The following HEATR5B variants were observed in gnomAD, a reference collection of about 807,000 sequenced individuals.
HEATR5B encodes HEAT repeat-containing protein 5B.
Under a neutral mutation model 224.1 loss-of-function variants are expected in HEATR5B, and 156 were observed. That is an observed-to-expected ratio of 0.70 (90% CI 0.61 to 0.80). The LOEUF is 0.80. Among genes scored for constraint, HEATR5B ranks in the 30% least tolerant of loss-of-function variants. The pLI is 0.00. For synonymous variants in HEATR5B, 1,027 were observed against 893.0 expected, an observed-to-expected ratio of 1.15 and a Z score of -2.68; for missense variants, 2,323 against 2,535.5, an observed-to-expected ratio of 0.92 and a Z score of 1.80.
intron 35 of HEATR5B, 89 bp from the exon 36 acceptor site, chr2:36,981,883 A>C: frequency 1.1e-6 from 1 of 895,340 alleles, no homozygotes; most frequent in South Asian, 1.8e-5. Flanking sequence ...AAGACTGAAC[A>C]TAATAAAATA....
chr2:37,011,811 A>T (rs1370374856), intron 27 of HEATR5B, among the ~76,000 whole-genome samples: 2 of 152,160 alleles, frequency 1.3e-5, no homozygotes, highest in Non-Finnish European at 2.9e-5. Context: ...TCACATTATA[A>T]ATAGTGTTGC....
At position 37,002,403 on chromosome 2, in the gene HEATR5B, G is replaced by A. The variant is rs1223267002; in HGVS notation, c.5220C>T (p.His1740=). 6 of 1,614,116 alleles carry A rather than the reference G, an allele frequency of 3.7e-6. No homozygotes were observed. Among genetic ancestry groups the A allele is most frequent in the African/African-American group, 1.3e-5 (1 of 74,932 alleles). The part of the protein sequence containing the change: ...LSTKVSDSPS[H]IATKTRLSEE... ...CTGATAGTCGAGTTTTAGTGGCTAT[G>A]TGACTTGGAGAGTCTGACACCTTGG... The change falls in exon 32 of 36, where the codon CAC becomes CAT. Residue 1740 remains histidine, a synonymous_variant. Coordinates refer to ENST00000233099, the MANE Select transcript of HEATR5B (RefSeq NM_019024.3).
chr2:37,032,242 C>A (rs1276952274), intron 22 of HEATR5B, among the ~76,000 whole-genome samples: 2 of 151,986 alleles, frequency 1.3e-5, no homozygotes, highest in East Asian at 3.9e-4. Flanking sequence ...GTCACTCACA[C>A]CCAACTTTTT....
chr2:37,049,632 T>C (rs140940659), intron 18 of HEATR5B, 21 bp downstream of exon 18: 1 of 1,599,520 alleles, frequency 6.3e-7, no homozygotes. Context: ...ATGAAACTTG[T>C]TAGTAAAGAA....
At chr2:37,059,649 A>C (rs1005980935) in intron 12 of HEATR5B, among the ~76,000 whole-genome samples, 2 of 151,530 alleles carry the variant, frequency 1.3e-5, no homozygotes, top group African/African-American at 4.9e-5. Context: ...TCTTTAGTAG[A>C]GACAAGGTTT....
intron 26 of HEATR5B, among the ~76,000 whole-genome samples, chr2:37,015,167 T>C (rs895112676): frequency 2.6e-5 from 4 of 152,134 alleles, no homozygotes; most frequent in Non-Finnish European, 4.4e-5. Flanking sequence ...TTTGTATGTA[T>C]AGACATAGGA....
intron 24 of HEATR5B, among the ~76,000 whole-genome samples, chr2:37,022,156 T>G: frequency 6.6e-6 from 1 of 151,676 alleles, no homozygotes; most frequent in Non-Finnish European, 1.5e-5. Flanking sequence ...GGTTCACACT[T>G]TATAGGCTAT....
At chr2:37,069,090 G>A (rs1671758950) in intron 7 of HEATR5B, among the ~76,000 whole-genome samples, 160 bp from the exon 8 acceptor site, 1 of 152,128 alleles carries the variant, frequency 6.6e-6, no homozygotes, top group South Asian at 2.1e-4. Context: ...TACTACTTCT[G>A]GAATACGAAT....
intron 17 of HEATR5B, among the ~76,000 whole-genome samples, chr2:37,050,678 G>A (rs1156583721): frequency 1.3e-5 from 2 of 152,128 alleles, no homozygotes; most frequent in African/African-American, 4.8e-5. Flanking sequence ...ATATGAAACT[G>A]AATAGTTTAT....
At chr2:37,025,697 A>T (rs992424655) in intron 24 of HEATR5B, among the ~76,000 whole-genome samples, 5 of 152,184 alleles carry the variant, frequency 3.3e-5, no homozygotes, top group East Asian at 1.9e-4. Context: ...ATCTCTGAGA[A>T]CTAAGGTAAA....
At chr2:36,995,084 C>CTTT (rs1182897485) in intron 33 of HEATR5B, among the ~76,000 whole-genome samples, 3 of 93,668 alleles carry the variant, frequency 3.2e-5, no homozygotes, top group African/African-American at 1.7e-4. Flanking sequence ...CTTGTTATTC[C>CTTT]TTGTTTTTTT....
chr2:37,079,217 T>C lies in HEATR5B; in HGVS notation c.241A>G (p.Ser81Gly). 2 of 1,606,010 alleles carry C rather than the reference T, an allele frequency of 1.2e-6. No individual in the cohort carries two copies. Among genetic ancestry groups the C allele is most frequent in the East Asian group, 2.2e-5 (1 of 44,818 alleles). Reference protein sequence around the residue: ...LLAKNLAALYSIGDTFTVFQT... With the variant: ...LLAKNLAALYGIGDTFTVFQT... ...AAAACTGTGAAAGTATCCCCAATGC[T>C]ATAAAGGGCTGCGAGATTTTTAGCT... Residue 81 changes from serine (S) to glycine (G), a missense_variant, in exon 3 of 36, where the codon AGC (serine) becomes GGC (glycine). Physicochemically the swap from Ser to Gly is moderately conservative, Grantham distance 56. Around this residue, in one of 12 missense-constraint regions of HEATR5B, gnomAD observed 292 missense variants for 332.6 expected, o/e 0.88. Coordinates refer to ENST00000233099, the MANE Select transcript of HEATR5B (RefSeq NM_019024.3).
chr2:37,046,942 C>T (rs747280891), intron 18 of HEATR5B, among the ~76,000 whole-genome samples: 5 of 141,252 alleles, frequency 3.5e-5, no homozygotes, highest in Admixed American at 1.5e-4. Context: ...CCCAGCTACA[C>T]GGGAGGCTAA....
At chr2:36,987,685 TTAA>T (rs1464471619) in intron 35 of HEATR5B, among the ~76,000 whole-genome samples, 1 of 152,144 alleles carries the variant, frequency 6.6e-6, no homozygotes, top group Non-Finnish European at 1.5e-5. Flanking sequence ...TTGAGATATT[TTAA>T]TAATTATGTT....
Position 37,037,145 on chromosome 2 carries a change from G to GATATATATATATATATATATAT in HEATR5B, c.3216+709_3216+710insATATATATATATATATATATAT, listed in dbSNP as rs1553431138. On this transcript the variant is annotated intron_variant, in intron 21 of 35. Transcript: ENST00000233099. ...TTCCGAGTAGGAAAACTAAAAATGT[G>GATATATATATATATATATATAT]ATATATATATATATTTTGGAGATGG... 6.2e-3 allele frequency among the ~76,000 whole-genome samples: 549 copies of GATATATATATATATATATATAT among 89,116 alleles called. 58 individuals are homozygous for GATATATATATATATATATATAT. Among genetic ancestry groups the GATATATATATATATATATATAT allele is most frequent in the Middle Eastern group, 9.6e-3 (2 of 208 alleles). 58.5% of individuals were successfully genotyped at this position (89,116 alleles called of 152,430 possible).
chr2:36,983,756 G>C (rs1175691062), intron 35 of HEATR5B, among the ~76,000 whole-genome samples: 2 of 151,754 alleles, frequency 1.3e-5, no homozygotes. Context: ...TATTATAAAA[G>C]CTGGCTTTCA....
chr2:37,081,091 C>T (rs1672533921), intron 2 of HEATR5B, among the ~76,000 whole-genome samples: 1 of 152,270 alleles, frequency 6.6e-6, no homozygotes, highest in East Asian at 1.9e-4. Context: ...ATACTGACCA[C>T]TGTTCTGGGC....
At chr2:36,984,930 A>C (rs1319792042) in intron 35 of HEATR5B, among the ~76,000 whole-genome samples, 6 of 152,210 alleles carry the variant, frequency 3.9e-5, no homozygotes, top group African/African-American at 1.4e-4. Context: ...TTTCAGAAAG[A>C]AATGGGACAA....
At chr2:37,065,430 C>T (rs1484041920) in intron 9 of HEATR5B, among the ~76,000 whole-genome samples, 4 of 151,928 alleles carry the variant, frequency 2.6e-5, no homozygotes. Context: ...TCTCCTGCCT[C>T]AGCCTCCCAA....
Sources: allele counts gnomAD v4.1 joint callset (sites outside exome capture counted in the v4.1 genomes callset), GRCh38; gene constraint gnomAD v4.1.1; regional missense constraint gnomAD v4.1.1; transcripts MANE v1.5; gene names NCBI Gene and HGNC (gene_info 2026-07-23, HGNC 2026-07-21).